The following SAMD12 variants were observed in gnomAD, a reference collection of about 807,000 sequenced individuals.
SAMD12 encodes sterile alpha motif domain-containing protein 12.
In SAMD12, 9 loss-of-function variants were observed where a neutral mutation model predicts 15.0. That is an observed-to-expected ratio of 0.60 (90% CI 0.36 to 1.05). The LOEUF is 1.05. SAMD12 is among the 50% of genes least tolerant of loss of function. The pLI is 0.01. For synonymous variants in SAMD12, 86 were observed against 90.1 expected, an observed-to-expected ratio of 0.96 and a Z score of 0.25; for missense variants, 230 against 234.2, an observed-to-expected ratio of 0.98 and a Z score of 0.12.
chr8:118,270,734 A>G (rs552961156), intron 4 of SAMD12, among the ~76,000 whole-genome samples: 1 of 152,288 alleles, frequency 6.6e-6, no homozygotes, highest in Non-Finnish European at 1.5e-5. Context: ...GTCATAAGAC[A>G]ATCTTTCCTA....
intron 2 of SAMD12, among the ~76,000 whole-genome samples, chr8:118,484,168 C>T (rs181774676): frequency 7.9e-5 from 12 of 152,006 alleles, no homozygotes; most frequent in Admixed American, 2.0e-4. Flanking sequence ...ATTATGTGGA[C>T]GAGGTGGTCA....
chr8:118,224,696 C>T (rs1296192390), intron 4 of SAMD12, among the ~76,000 whole-genome samples: 1 of 152,180 alleles, frequency 6.6e-6, no homozygotes, highest in African/African-American at 2.4e-5. Flanking sequence ...CAAGAAGCTT[C>T]CAGAGGCTGG....
intron 2 of SAMD12, among the ~76,000 whole-genome samples, chr8:118,552,632 G>C (rs1826377670): frequency 6.6e-6 from 1 of 152,198 alleles, no homozygotes; most frequent in Admixed American, 6.5e-5. Flanking sequence ...AGACAGGGAT[G>C]CCCTCTCTCA....
chr8:118,571,141 A>G (rs754404710), intron 2 of SAMD12, among the ~76,000 whole-genome samples: 10 of 152,212 alleles, frequency 6.6e-5, no homozygotes, highest in Admixed American at 2.0e-4. Context: ...GTGGACTAAT[A>G]CAATAAATTG....
intron 1 of SAMD12, among the ~76,000 whole-genome samples, chr8:118,594,974 A>T (rs776513401): frequency 6.6e-6 from 1 of 152,190 alleles, no homozygotes; most frequent in Non-Finnish European, 1.5e-5. Flanking sequence ...AGTCACTACC[A>T]TAAAGTTAGA....
intron 3 of SAMD12, among the ~76,000 whole-genome samples, chr8:118,434,211 A>G (rs1166972490): frequency 1.3e-5 from 2 of 152,226 alleles, no homozygotes; most frequent in African/African-American, 4.8e-5. Context: ...GAAAAGAAGT[A>G]CAAGTGGGTG....
chr8:118,279,098 T>C (rs1350020501), intron 4 of SAMD12, among the ~76,000 whole-genome samples: 1 of 151,932 alleles, frequency 6.6e-6, no homozygotes, highest in Non-Finnish European at 1.5e-5. Flanking sequence ...CCCAAAGGAG[T>C]TGAAGTTGAA....
chr8:118,486,337 A>G (rs1287038966), intron 2 of SAMD12, among the ~76,000 whole-genome samples: 1 of 151,970 alleles, frequency 6.6e-6, no homozygotes, highest in Non-Finnish European at 1.5e-5. Flanking sequence ...AATGGCGTGA[A>G]CCTGGGAGGT....
At chr8:118,312,664 G>A (rs538052761) in intron 4 of SAMD12, among the ~76,000 whole-genome samples, 3 of 152,260 alleles carry the variant, frequency 2.0e-5, no homozygotes, top group Admixed American at 6.5e-5. Context: ...GAATATCCAT[G>A]CAGGACAGGC....
the SAMD12 span, among the ~76,000 whole-genome samples, chr8:118,148,804 T>G: frequency 6.6e-6 from 1 of 152,272 alleles, no homozygotes; most frequent in Non-Finnish European, 1.5e-5. Flanking sequence ...TACATCTTTC[T>G]TGTTTCACTT....
chr8:118,371,755 A>T (rs995688759), intron 4 of SAMD12, among the ~76,000 whole-genome samples: 1 of 152,196 alleles, frequency 6.6e-6, no homozygotes, highest in Non-Finnish European at 1.5e-5. Context: ...CGTAAATCTG[A>T]GAGTCACTAT....
At chr8:118,224,157 C>T (rs753985755) in intron 4 of SAMD12, among the ~76,000 whole-genome samples, 14 of 152,094 alleles carry the variant, frequency 9.2e-5, no homozygotes, top group East Asian at 7.7e-4. Flanking sequence ...ACACACTGAA[C>T]GGGTAAGGTG....
At chr8:118,268,073 C>T (rs1277210028) in intron 4 of SAMD12, among the ~76,000 whole-genome samples, 2 of 152,138 alleles carry the variant, frequency 1.3e-5, no homozygotes, top group African/African-American at 4.8e-5. Context: ...GCCTGGGCAA[C>T]AGAGCAAGGC....
intron 4 of SAMD12, among the ~76,000 whole-genome samples, chr8:118,265,142 T>C (rs1486919571): frequency 2.6e-5 from 4 of 152,108 alleles, no homozygotes; most frequent in East Asian, 3.9e-4. Flanking sequence ...AACTGGCTAA[T>C]TGGTTAGGAC....
chr8:118,153,298 G>A, the SAMD12 span, among the ~76,000 whole-genome samples: 1 of 83,172 alleles, frequency 1.2e-5, no homozygotes, highest in African/African-American at 3.9e-5. Context: ...GTCCTAATAG[G>A]GATGAGTGAA....
At chr8:118,527,129 C>G (rs1252309652) in intron 2 of SAMD12, among the ~76,000 whole-genome samples, 1 of 152,160 alleles carries the variant, frequency 6.6e-6, no homozygotes, top group African/African-American at 2.4e-5. Flanking sequence ...CTTCATTCTC[C>G]CTGTCACTGG....
chr8:118,348,102 G>T (rs1311909298), intron 4 of SAMD12, among the ~76,000 whole-genome samples: 2 of 152,098 alleles, frequency 1.3e-5, no homozygotes, highest in Non-Finnish European at 2.9e-5. Context: ...TTTGAGACAA[G>T]GTCTCAATCT....
At chr8:118,157,860 G>A in the SAMD12 span, among the ~76,000 whole-genome samples, 1 of 152,202 alleles carries the variant, frequency 6.6e-6, no homozygotes, top group Non-Finnish European at 1.5e-5. Flanking sequence ...ATGAAACAAA[G>A]TTTTTCAGGA....
intron 2 of SAMD12, among the ~76,000 whole-genome samples, chr8:118,448,732 CACAG>C (rs1009043349): frequency 3.0e-4 from 45 of 152,160 alleles, no homozygotes; most frequent in African/African-American, 9.9e-4. Context: ...TTTCAACTGA[CACAG>C]AGAGTGATGT....
Sources: allele counts gnomAD v4.1 joint callset (sites outside exome capture counted in the v4.1 genomes callset), GRCh38; gene constraint gnomAD v4.1.1; transcripts MANE v1.5; gene names NCBI Gene and HGNC (gene_info 2026-07-23, HGNC 2026-07-21).